The following RHOJ variants were observed in gnomAD, a reference collection of about 807,000 sequenced individuals.
RHOJ encodes the protein rho-related GTP-binding protein RhoJ.
Under a neutral mutation model 23.4 loss-of-function variants are expected in RHOJ, and 11 were observed. The observed-to-expected ratio is 0.47, with a 90% CI of 0.30 to 0.78. The LOEUF is 0.78. Ranked by LOEUF, RHOJ falls within the 30% of genes least tolerant of loss-of-function variation. The pLI is 0.08. For synonymous variants in RHOJ, 102 were observed against 102.7 expected, an observed-to-expected ratio of 0.99 and a Z score of 0.04; for missense variants, 254 against 273.4, an observed-to-expected ratio of 0.93 and a Z score of 0.50.
chr14:63,243,918 G>A (rs969347577), intron 1 of RHOJ, among the ~76,000 whole-genome samples: 2 of 152,050 alleles, frequency 1.3e-5, no homozygotes, highest in African/African-American at 4.8e-5. Flanking sequence ...TGTGCAAAAG[G>A]CACTCTTTCT....
At position 63,216,254 on chromosome 14, in the gene RHOJ, A is replaced by G. The variant is rs185002892; in HGVS notation, c.178+11207A>G. On this transcript the variant is annotated intron_variant, in intron 1 of 4. Coordinates refer to ENST00000316754, the MANE Select transcript of RHOJ (RefSeq NM_020663.5). ...TCTACCTCTGTTATATTCTGATGCT[A>G]TATCCTAGAGGCAAAGGGAAAAACT... Among the ~76,000 whole-genome samples the G allele has an allele frequency of 1.2e-3, 180 of 152,338 alleles. 2 individuals are homozygous for G. Among genetic ancestry groups the G allele is most frequent in the African/African-American group, 4.0e-3 (167 of 41,576 alleles).
chr14:63,241,792 G>A (rs1318430977), intron 1 of RHOJ, among the ~76,000 whole-genome samples: 2 of 152,134 alleles, frequency 1.3e-5, no homozygotes, highest in Admixed American at 1.3e-4. Context: ...CAGGCCAGGA[G>A]GTTCCATGGA....
intron 1 of RHOJ, among the ~76,000 whole-genome samples, chr14:63,219,101 T>A (rs1957785): frequency 0.69 from 105,080 of 152,056 alleles, 38,286 homozygotes; most frequent in Middle Eastern, 0.85. Flanking sequence ...TCTTGAGCAA[T>A]TTAGAAGCTT....
At position 63,216,134 on chromosome 14, in the gene RHOJ, A is replaced by G. The variant is rs553551340; in HGVS notation, c.178+11087A>G. ...GTTTTCTCTGGAAAAGAAAACACCA[A>G]AAGGTTTTGCTTCCAGTCAAATTTT... On this transcript the variant is annotated intron_variant, in intron 1 of 4. Coordinates refer to ENST00000316754, the MANE Select transcript of RHOJ (RefSeq NM_020663.5). 9.8e-5 allele frequency among the ~76,000 whole-genome samples: 15 copies of G among 152,348 alleles called. No homozygotes were observed. In the South Asian group the frequency reaches 3.1e-3, roughly 32 times the overall value.
intron 1 of RHOJ, among the ~76,000 whole-genome samples, chr14:63,208,114 A>G (rs1955679): frequency 0.69 from 105,110 of 152,104 alleles, 36,487 homozygotes; most frequent in South Asian, 0.85. Flanking sequence ...TAATAGTAAT[A>G]GGATATTAAA....
chr14:63,262,375 C>A (rs1444305800), intron 1 of RHOJ, among the ~76,000 whole-genome samples: 2 of 152,086 alleles, frequency 1.3e-5, no homozygotes, highest in Admixed American at 1.3e-4. Flanking sequence ...TACCAAGTCA[C>A]AAAATTAACC....
At chr14:63,268,626 A>G (rs1326602582) in intron 1 of RHOJ, among the ~76,000 whole-genome samples, 2 of 152,224 alleles carry the variant, frequency 1.3e-5, no homozygotes, top group Non-Finnish European at 2.9e-5. Flanking sequence ...GTATGTATTA[A>G]TAGGTGTGAT....
At chr14:63,267,395 G>C (rs554070222) in intron 1 of RHOJ, among the ~76,000 whole-genome samples, 3 of 152,190 alleles carry the variant, frequency 2.0e-5, no homozygotes, top group African/African-American at 7.2e-5. Flanking sequence ...AGGATGACTC[G>C]ACTTCTAGGA....
intron 1 of RHOJ, among the ~76,000 whole-genome samples, chr14:63,236,003 C>T (rs1894782730): frequency 6.6e-6 from 1 of 152,234 alleles, no homozygotes; most frequent in Non-Finnish European, 1.5e-5. Flanking sequence ...AATTCTCCAT[C>T]CTTAAATACA....
chr14:63,214,644 A>G lies in RHOJ; in HGVS notation c.178+9597A>G, dbSNP rs188237290. Reference sequence around the variant, plus strand: ...AGAGAGCTCCTGGAAGAAGGAGAATACAGAAGGCTAAGAACAGAAAGAATT... The same window carrying G: ...AGAGAGCTCCTGGAAGAAGGAGAATGCAGAAGGCTAAGAACAGAAAGAATT... On this transcript the variant is annotated intron_variant, in intron 1 of 4. Transcript: ENST00000316754. Among the ~76,000 whole-genome samples the G allele has an allele frequency of 2.2e-3, 342 of 152,328 alleles. 2 individuals are homozygous for G. Among genetic ancestry groups the G allele is most frequent in the Admixed American group, 5.1e-3 (78 of 15,296 alleles).
rs967081044 is a variant in RHOJ at position 63,252,324 on chromosome 14, T to C, written c.179-16786T>C. 3.3e-5 allele frequency among the ~76,000 whole-genome samples: 5 copies of C among 152,258 alleles called. No individual in the cohort carries two copies. The Middle Eastern group carries it at 0.014, about 414-fold the overall frequency. On this transcript the variant is annotated intron_variant, in intron 1 of 4. Coordinates refer to ENST00000316754, the MANE Select transcript of RHOJ (RefSeq NM_020663.5). ...GTGGGCATCTTTGGGGGACCATTAT[T>C]CCACCTACAATAGTTATGTCAAATA...
chr14:63,222,479 A>G (rs1490323655), intron 1 of RHOJ, among the ~76,000 whole-genome samples: 1 of 152,138 alleles, frequency 6.6e-6, no homozygotes, highest in African/African-American at 2.4e-5. Context: ...CATCCTCTCC[A>G]GCACCTGTTG....
chr14:63,290,486 A>G (rs902810873), intron 4 of RHOJ, among the ~76,000 whole-genome samples: 3 of 152,170 alleles, frequency 2.0e-5, no homozygotes, highest in African/African-American at 7.2e-5. Context: ...ATGAAAAACA[A>G]GATCATGCAC....
intron 1 of RHOJ, among the ~76,000 whole-genome samples, chr14:63,243,112 T>C (rs1239334013): frequency 6.6e-6 from 1 of 152,148 alleles, no homozygotes; most frequent in Non-Finnish European, 1.5e-5. Context: ...GAAGAAAATT[T>C]CAAAGGGAAA....
intron 1 of RHOJ, among the ~76,000 whole-genome samples, chr14:63,239,221 C>T (rs749234777): frequency 2.6e-4 from 40 of 152,312 alleles, no homozygotes; most frequent in Admixed American, 1.5e-3. Flanking sequence ...AAGCGATTCT[C>T]CTGCTTCAGC....
At position 63,217,514 on chromosome 14, in the gene RHOJ, C is replaced by T. The variant is rs559000504; in HGVS notation, c.178+12467C>T. On this transcript the variant is annotated intron_variant, in intron 1 of 4. Transcript: ENST00000316754. The stretch of plus-strand genomic sequence containing the variant: ...GTAGAAAGCTGAAACTGGATCTCTT[C>T]CTTACACCTTATACAAAAATCAATT... 5.0e-3 allele frequency among the ~76,000 whole-genome samples: 759 copies of T among 151,886 alleles called. 5 individuals carry two copies. Among genetic ancestry groups the T allele is most frequent in the Admixed American group, 9.4e-3 (143 of 15,238 alleles).
chr14:63,249,337 C>A lies in RHOJ; in HGVS notation c.179-19773C>A, dbSNP rs186263567. Among the ~76,000 whole-genome samples the A allele has an allele frequency of 1.6e-4, 25 of 152,310 alleles. No homozygotes were observed. The East Asian group carries it at 3.5e-3, about 21-fold the overall frequency. On this transcript the variant is annotated intron_variant, in intron 1 of 4. Transcript: ENST00000316754. The stretch of plus-strand genomic sequence containing the variant: ...TCTTCCCACAGCAACAGGATGCAGT[C>A]CAAGTGTTCTGTTAAAAACTACCAC...
At chr14:63,271,846 C>T (rs937683905) in intron 2 of RHOJ, among the ~76,000 whole-genome samples, 4 of 152,190 alleles carry the variant, frequency 2.6e-5, no homozygotes, top group African/African-American at 9.7e-5. Flanking sequence ...GATCCACCCA[C>T]CTCAGCCTCC....
chr14:63,281,039 C>A lies in RHOJ; in HGVS notation c.306C>A (p.Val102=), dbSNP rs754920828. 1 of 1,614,132 alleles carries A rather than the reference C, an allele frequency of 6.2e-7. No homozygotes were observed. Among genetic ancestry groups the A allele is most frequent in the Non-Finnish European group, 8.5e-7 (1 of 1,180,000 alleles). The part of the protein sequence containing the change: ...NTDVFLICFS[V]VNPASYHNVQ... ...ATGTGTTTTTGATCTGCTTCTCTGT[C>A]GTAAACCCTGCCTCTTACCACAATG... The change falls in exon 3 of 5, where the codon GTC becomes GTA. Residue 102 remains valine (V), a synonymous_variant. Transcript: ENST00000316754.
Sources: allele counts gnomAD v4.1 joint callset (sites outside exome capture counted in the v4.1 genomes callset), GRCh38; gene constraint gnomAD v4.1.1; transcripts MANE v1.5; gene names NCBI Gene and HGNC (gene_info 2026-07-23, HGNC 2026-07-21).